Variants in IQSEC1 observed in about 807,000 individuals in gnomAD.
IQSEC1 encodes the protein IQ motif and SEC7 domain-containing protein 1.
IQSEC1 carries 31 observed loss-of-function variants against 91.0 expected under a neutral mutation model. The observed-to-expected ratio is 0.34, with a 90% CI of 0.26 to 0.46. The LOEUF is 0.46. Among genes scored for constraint, IQSEC1 ranks in the 20% least tolerant of loss-of-function variants. The pLI, the probability that IQSEC1 is intolerant of heterozygous loss-of-function variation, is 1.00. For missense variants in IQSEC1, 1,388 were observed against 1,575.6 expected, an observed-to-expected ratio of 0.88 and a Z score of 2.02; for synonymous variants, 699 against 662.6, an observed-to-expected ratio of 1.05 and a Z score of -0.84.
intron 2 of IQSEC1, among the ~76,000 whole-genome samples, chr3:13,114,521 G>A (rs1706303709): frequency 6.6e-6 from 1 of 152,214 alleles, no homozygotes; most frequent in African/African-American, 2.4e-5. Flanking sequence ...GCCAGGTGCA[G>A]TGGCTCATGC....
chr3:13,022,822 G>GC (rs1415543596), intron 1 of IQSEC1, among the ~76,000 whole-genome samples: 1 of 152,160 alleles, frequency 6.6e-6, no homozygotes, highest in Non-Finnish European at 1.5e-5. Flanking sequence ...ACAGTGGTTG[G>GC]CCCTCCAAGG....
chr3:13,164,615 A>G (rs973066809), intron 1 of IQSEC1, among the ~76,000 whole-genome samples: 2 of 152,240 alleles, frequency 1.3e-5, no homozygotes, highest in Non-Finnish European at 2.9e-5. Flanking sequence ...TCAAGTACTC[A>G]GAAATCAATT....
chr3:13,176,627 G>T (rs1197023827), intron 1 of IQSEC1, among the ~76,000 whole-genome samples: 2 of 152,188 alleles, frequency 1.3e-5, no homozygotes, highest in Non-Finnish European at 2.9e-5. Flanking sequence ...CATGACCCCA[G>T]GCTTTGAGAG....
rs569673855 is a variant in IQSEC1 at position 13,277,348 on chromosome 3, G to T, written c.272+5363C>A. ...TGCAGCGAGCCTGAATCCAGAAAGG[G>T]GAGGCAAAAACCAAACGTCGGAAAC... On this transcript the variant is annotated intron_variant, in intron 1 of 15. Transcript: ENST00000648114. Among the ~76,000 whole-genome samples, 5 of 152,238 alleles carry T rather than the reference G, an allele frequency of 3.3e-5. No homozygotes were observed. In the South Asian group the frequency reaches 1.0e-3, roughly 32 times the overall value.
intron 2 of IQSEC1, among the ~76,000 whole-genome samples, chr3:13,124,135 G>A (rs1461776545): frequency 6.6e-6 from 1 of 152,176 alleles, no homozygotes; most frequent in African/African-American, 2.4e-5. Flanking sequence ...CAGGGTATAC[G>A]GGTTCGTCTG....
At position 13,072,486 on chromosome 3, in the gene IQSEC1, T is replaced by C. The variant is rs73813122; in HGVS notation, c.23+506A>G. On this transcript the variant is annotated intron_variant, in intron 1 of 13. Coordinates refer to ENST00000613206, the MANE Select transcript of IQSEC1 (RefSeq NM_001134382.3). The stretch of plus-strand genomic sequence containing the variant: ...CTCTGCTGCCAGCCCACAGAACACC[T>C]GGGCACACAGCTGGACACTGATGCC... Among the ~76,000 whole-genome samples, 351 of 152,306 alleles carry C rather than the reference T, an allele frequency of 2.3e-3. 1 individual carries two copies. Among genetic ancestry groups the C allele is most frequent in the African/African-American group, 8.0e-3 (332 of 41,572 alleles).
intron 2 of IQSEC1, among the ~76,000 whole-genome samples, chr3:13,087,673 C>T (rs1479029003): frequency 1.3e-5 from 2 of 152,176 alleles, no homozygotes; most frequent in African/African-American, 2.4e-5. Context: ...TTGCTGTCTT[C>T]GTCTATTTTG....
At chr3:13,148,935 G>A (rs537871787) in intron 2 of IQSEC1, among the ~76,000 whole-genome samples, 1 of 152,408 alleles carries the variant, frequency 6.6e-6, no homozygotes, top group South Asian at 2.1e-4. Flanking sequence ...AGGCTACAGG[G>A]AAGGGAGAGG....
At chr3:13,072,955 C>T (rs902702607) in intron 1 of IQSEC1, 37 bp downstream of exon 1, 6 of 1,543,478 alleles carry the variant, frequency 3.9e-6, no homozygotes, top group Non-Finnish European at 5.3e-6. Context: ...CCCCTCTGGC[C>T]TCTGGCTTCA....
At chr3:12,991,421 C>T (rs889468676) in intron 1 of IQSEC1, among the ~76,000 whole-genome samples, 1 of 152,102 alleles carries the variant, frequency 6.6e-6, no homozygotes, top group Non-Finnish European at 1.5e-5. Flanking sequence ...ATCTGAGATG[C>T]GGCAGTGCGT....
At chr3:13,230,870 G>A (rs563390268) in intron 1 of IQSEC1, among the ~76,000 whole-genome samples, 20 of 152,244 alleles carry the variant, frequency 1.3e-4, no homozygotes, top group African/African-American at 4.6e-4. Flanking sequence ...TCTTCAACTG[G>A]GGCATGGACA....
intron 1 of IQSEC1, among the ~76,000 whole-genome samples, chr3:13,020,895 T>C (rs546288120): frequency 1.4e-4 from 21 of 152,216 alleles, no homozygotes; most frequent in African/African-American, 4.6e-4. Flanking sequence ...ACAAGTATTT[T>C]GGGAAGGAAG....
At chr3:12,971,683 G>C (rs1019148135) in intron 1 of IQSEC1, among the ~76,000 whole-genome samples, 6 of 152,218 alleles carry the variant, frequency 3.9e-5, no homozygotes, top group African/African-American at 1.4e-4. Flanking sequence ...GAGTGCCATT[G>C]CACTCCAGCC....
chr3:13,070,818 G>A (rs1215007568), intron 1 of IQSEC1, among the ~76,000 whole-genome samples: 1 of 152,218 alleles, frequency 6.6e-6, no homozygotes, highest in East Asian at 1.9e-4. Context: ...CCTCGGGCCA[G>A]CCCCTCTCTT....
intron 2 of IQSEC1, among the ~76,000 whole-genome samples, chr3:13,102,342 G>A (rs1190465196): frequency 6.6e-6 from 1 of 152,224 alleles, no homozygotes; most frequent in East Asian, 1.9e-4. Context: ...ACCCATCCTA[G>A]AGCCTGAGAC....
At chr3:13,048,320 C>G (rs1446978068) in intron 1 of IQSEC1, among the ~76,000 whole-genome samples, 2 of 152,236 alleles carry the variant, frequency 1.3e-5, no homozygotes, top group Non-Finnish European at 2.9e-5. Flanking sequence ...TTCCTGGAGG[C>G]TGGGGGGCCC....
At chr3:13,185,329 A>C (rs190157444) in intron 1 of IQSEC1, among the ~76,000 whole-genome samples, 117 of 152,252 alleles carry the variant, frequency 7.7e-4, no homozygotes, top group African/African-American at 2.7e-3. Context: ...AAGTCTTTGC[A>C]ACCTCCCCTG....
chr3:13,084,305 C>T (rs1163855848), intron 2 of IQSEC1, among the ~76,000 whole-genome samples: 1 of 148,490 alleles, frequency 6.7e-6, no homozygotes, highest in African/African-American at 2.4e-5. Context: ...GAGTCTGGGG[C>T]CCCCAAAGCT....
chr3:13,198,430 C>T (rs1694174772), intron 1 of IQSEC1, among the ~76,000 whole-genome samples: 1 of 152,136 alleles, frequency 6.6e-6, no homozygotes, highest in Non-Finnish European at 1.5e-5. Context: ...TGAGAACTCA[C>T]CAACCAGGGT....
Sources: allele counts gnomAD v4.1 joint callset (sites outside exome capture counted in the v4.1 genomes callset), GRCh38; gene constraint gnomAD v4.1.1; transcripts MANE v1.5; gene names NCBI Gene and HGNC (gene_info 2026-07-23, HGNC 2026-07-21).